Variants in COL25A1 observed in about 807,000 individuals in gnomAD.
COL25A1 encodes collagen type XXV alpha 1 chain.
A neutral mutation model predicts 128.4 loss-of-function variants in COL25A1; 103 were observed. The ratio of observed to expected loss-of-function variants is 0.80; its 90% CI spans 0.68 to 0.94. The LOEUF is 0.94. Among genes scored for constraint, COL25A1 ranks in the 40% least tolerant of loss-of-function variants. COL25A1 has a pLI of 0.00. For missense variants in COL25A1, 745 were observed against 840.0 expected (o/e 0.89, Z 1.40); for synonymous variants, 279 against 277.2 (o/e 1.01, Z -0.06).
intron 20 of COL25A1, among the ~76,000 whole-genome samples, chr4:108,866,690 T>A (rs1370775318): frequency 2.0e-5 from 3 of 152,200 alleles, no homozygotes; most frequent in Non-Finnish European, 2.9e-5. Flanking sequence ...TCTACACAAG[T>A]GGAAGAATGG....
chr4:108,833,350 A>G (rs1278482795), intron 31 of COL25A1, among the ~76,000 whole-genome samples: 1 of 152,202 alleles, frequency 6.6e-6, no homozygotes, highest in Non-Finnish European at 1.5e-5. Context: ...TAAAGGTATA[A>G]TTCCCCTTTG....
intron 3 of COL25A1, among the ~76,000 whole-genome samples, chr4:109,225,976 G>C (rs1487761160): frequency 6.9e-6 from 1 of 144,358 alleles, no homozygotes; most frequent in East Asian, 2.0e-4. Context: ...AAATACAATA[G>C]TATTCCGTTG....
At chr4:109,092,586 T>TTCTTACTC (rs1765016954) in intron 3 of COL25A1, among the ~76,000 whole-genome samples, 2 of 152,248 alleles carry the variant, frequency 1.3e-5, no homozygotes, top group Non-Finnish European at 2.9e-5. Flanking sequence ...CTCCCTCACC[T>TTCTTACTC]TCTTACTCTC....
intron 31 of COL25A1, chr4:108,838,184 T>C (rs1734023673): frequency 3.9e-6 from 6 of 1,549,708 alleles, no homozygotes; most frequent in Non-Finnish European, 5.2e-6. Flanking sequence ...TCACCCTAAA[T>C]GCAAAAGCAA....
chr4:108,823,492 T>C (rs1286882880), intron 35 of COL25A1, among the ~76,000 whole-genome samples: 1 of 152,120 alleles, frequency 6.6e-6, no homozygotes. Context: ...AATTGACTTT[T>C]AAAATCCATA....
At chr4:109,007,462 CACA>C (rs142967412) in intron 6 of COL25A1, among the ~76,000 whole-genome samples, 1,637 of 152,242 alleles carry the variant, frequency 0.011, 35 homozygotes, top group African/African-American at 0.037. Context: ...TCCTTGGGGA[CACA>C]ACAACAACTC....
intron 3 of COL25A1, among the ~76,000 whole-genome samples, chr4:109,148,680 C>T: frequency 6.6e-6 from 1 of 152,124 alleles, no homozygotes; most frequent in East Asian, 1.9e-4. Flanking sequence ...CAATTTTGAC[C>T]CTGTCACTCT....
chr4:109,088,056 T>A (rs1378754036), intron 3 of COL25A1, among the ~76,000 whole-genome samples: 1 of 150,154 alleles, frequency 6.7e-6, no homozygotes, highest in African/African-American at 2.4e-5. Flanking sequence ...TATATATATT[T>A]TATATATATA....
At chr4:109,116,593 GC>G (rs1338399762) in intron 3 of COL25A1, among the ~76,000 whole-genome samples, 1 of 151,922 alleles carries the variant, frequency 6.6e-6, no homozygotes, top group East Asian at 1.9e-4. Flanking sequence ...AGTTTATCAT[GC>G]CCACCTCTCA....
intron 33 of COL25A1, among the ~76,000 whole-genome samples, chr4:108,825,920 G>A (rs28451454): frequency 0.039 from 5,955 of 152,160 alleles, 367 homozygotes; most frequent in African/African-American, 0.13. Context: ...CTCCCATGGT[G>A]CAGATTATCA....
intron 6 of COL25A1, among the ~76,000 whole-genome samples, chr4:108,987,383 T>G (rs1487695958): frequency 4.2e-4 from 4 of 9,506 alleles, no homozygotes; most frequent in Non-Finnish European, 3.6e-3. Context: ...TTTCTTTTTC[T>G]TTTTTTTTTT....
At chr4:109,240,594 C>CA (rs1477964224) in intron 3 of COL25A1, among the ~76,000 whole-genome samples, 1 of 152,178 alleles carries the variant, frequency 6.6e-6, no homozygotes, top group East Asian at 1.9e-4. Context: ...TTTCATCACT[C>CA]ATTGAATTCA....
At chr4:109,290,073 A>C (rs1360104239) in intron 3 of COL25A1, among the ~76,000 whole-genome samples, 3 of 152,058 alleles carry the variant, frequency 2.0e-5, no homozygotes, top group Non-Finnish European at 4.4e-5. Context: ...CTGATTATAC[A>C]ATTCCTCTGA....
intron 3 of COL25A1, among the ~76,000 whole-genome samples, chr4:109,216,794 A>G (rs1191400642): frequency 6.6e-6 from 1 of 152,178 alleles, no homozygotes; most frequent in African/African-American, 2.4e-5. Context: ...ATACTTTATT[A>G]CAACAGCCCT....
At chr4:108,976,063 C>T (rs897735985) in intron 6 of COL25A1, among the ~76,000 whole-genome samples, 1 of 152,068 alleles carries the variant, frequency 6.6e-6, no homozygotes, top group Non-Finnish European at 1.5e-5. Context: ...TTTAATAAAA[C>T]TCAATTTAAC....
intron 19 of COL25A1, among the ~76,000 whole-genome samples, chr4:108,874,477 T>A (rs1739188819): frequency 6.6e-6 from 1 of 152,170 alleles, no homozygotes; most frequent in South Asian, 2.1e-4. Context: ...TTTTTTTATT[T>A]TTCTTTTTTA....
chr4:109,034,490 C>T (rs1342611039), intron 5 of COL25A1, among the ~76,000 whole-genome samples: 1 of 152,176 alleles, frequency 6.6e-6, no homozygotes, highest in Admixed American at 6.5e-5. Flanking sequence ...ACGTTCATCA[C>T]TGCAGAGTGG....
chr4:109,233,332 C>T lies in COL25A1; in HGVS notation c.367+67251G>A, dbSNP rs117866535. 7.5e-3 allele frequency among the ~76,000 whole-genome samples: 1,149 copies of T among 152,218 alleles called. 57 individuals are homozygous for T. The South Asian group carries it at 0.13, about 18-fold the overall frequency. On this transcript the variant is annotated intron_variant, in intron 3 of 37. Transcript: ENST00000399132. ...TCTCTTTGTCTTGTTCTTTCTTTGT[C>T]CCTACATGTTAATTACGCTTGGTTT... is the stretch of plus-strand genomic sequence containing the variant.
intron 5 of COL25A1, among the ~76,000 whole-genome samples, chr4:109,013,505 C>CTTCACACTGTGTAGGCTTTGTTT (rs1756885039): frequency 1.3e-5 from 2 of 151,822 alleles, no homozygotes; most frequent in East Asian, 1.9e-4. Context: ...AGGCTTTGTT[C>CTTCACACTGTGTAGGCTTTGTTT]TTTCACTCTT....
Sources: allele counts gnomAD v4.1 joint callset (sites outside exome capture counted in the v4.1 genomes callset), GRCh38; gene constraint gnomAD v4.1.1; transcripts MANE v1.5; gene names NCBI Gene and HGNC (gene_info 2026-07-23, HGNC 2026-07-21).